The following ADAMTSL1 variants were observed in gnomAD, a reference collection of about 807,000 sequenced individuals.
The protein encoded by ADAMTSL1 is ADAMTS like 1.
In ADAMTSL1, 126 loss-of-function variants were observed where a neutral mutation model predicts 201.8. That is an observed-to-expected ratio of 0.62 (90% CI 0.54 to 0.72). The LOEUF (loss-of-function observed/expected upper bound fraction) is 0.72, where lower values mean the gene tolerates loss of function less well. Ranked by LOEUF, ADAMTSL1 falls within the 30% of genes least tolerant of loss-of-function variation. The pLI is 0.00. For missense variants in ADAMTSL1, 2,679 were observed against 2,277.8 expected (o/e 1.18, Z -3.59); for synonymous variants, 1,121 against 903.4 (o/e 1.24, Z -4.32).
intron 1 of ADAMTSL1, among the ~76,000 whole-genome samples, chr9:18,106,580 T>C (rs1194994101): frequency 6.6e-6 from 1 of 152,232 alleles, no homozygotes; most frequent in Admixed American, 6.5e-5. Context: ...TCTATCTGGC[T>C]TTAAACTAGA....
chr9:18,636,298 A>G (rs935630791), intron 6 of ADAMTSL1, among the ~76,000 whole-genome samples: 1 of 151,992 alleles, frequency 6.6e-6, no homozygotes, highest in Non-Finnish European at 1.5e-5. Flanking sequence ...CGAGTGTTAT[A>G]TCTCATTCTC....
intron 4 of ADAMTSL1, among the ~76,000 whole-genome samples, chr9:18,602,261 T>C (rs1331142372): frequency 1.3e-5 from 2 of 152,182 alleles, no homozygotes; most frequent in South Asian, 4.1e-4. Context: ...AGACAAGCCA[T>C]GGAAAACTTC....
chr9:18,032,435 C>T (rs1464008436), intron 1 of ADAMTSL1, among the ~76,000 whole-genome samples: 1 of 152,100 alleles, frequency 6.6e-6, no homozygotes, highest in Admixed American at 6.5e-5. Context: ...GCAAAACATC[C>T]GGGTGGGGCA....
chr9:18,746,625 G>C (rs1819161640), intron 15 of ADAMTSL1, among the ~76,000 whole-genome samples: 1 of 152,124 alleles, frequency 6.6e-6, no homozygotes, highest in Admixed American at 6.5e-5. Flanking sequence ...TAATAGCTCA[G>C]GGTGGGAAGG....
chr9:18,247,988 TG>T (rs1464968653), intron 2 of ADAMTSL1, among the ~76,000 whole-genome samples: 1 of 152,146 alleles, frequency 6.6e-6, no homozygotes, highest in Non-Finnish European at 1.5e-5. Flanking sequence ...TTCCACGGAC[TG>T]GGGAAGACAT....
intron 2 of ADAMTSL1, among the ~76,000 whole-genome samples, chr9:18,367,187 G>C (rs1298496517): frequency 6.6e-6 from 1 of 152,006 alleles, no homozygotes; most frequent in African/African-American, 2.4e-5. Context: ...AGTTGACAAA[G>C]GTTATAGCCA....
chr9:17,965,317 C>G (rs1817941672), intron 1 of ADAMTSL1, among the ~76,000 whole-genome samples: 1 of 151,936 alleles, frequency 6.6e-6, no homozygotes, highest in Admixed American at 6.6e-5. Flanking sequence ...TGATACAACC[C>G]AAATTTAGCA....
chr9:18,339,068 G>A (rs1835361615), intron 2 of ADAMTSL1, among the ~76,000 whole-genome samples: 2 of 152,084 alleles, frequency 1.3e-5, no homozygotes. Context: ...ATAGTGAATA[G>A]TGCTGCAGTG....
intron 2 of ADAMTSL1, among the ~76,000 whole-genome samples, chr9:18,187,612 G>C (rs1828795534): frequency 6.6e-6 from 1 of 151,876 alleles, no homozygotes. Flanking sequence ...TATTTATTTG[G>C]GTACACAAGA....
chr9:18,659,855 A>T (rs1235313727), intron 8 of ADAMTSL1, among the ~76,000 whole-genome samples: 1 of 152,166 alleles, frequency 6.6e-6, no homozygotes, highest in African/African-American at 2.4e-5. Context: ...CATTATTTTG[A>T]TATTTTTACT....
chr9:18,621,542 G>A (rs968379756), intron 4 of ADAMTSL1, among the ~76,000 whole-genome samples: 2 of 145,506 alleles, frequency 1.4e-5, no homozygotes, highest in Admixed American at 1.4e-4. Context: ...TGCCCTTCAT[G>A]CAACCGTCCT....
intron 28 of ADAMTSL1, chr9:18,907,214 G>C (rs1299212641): frequency 2.5e-6 from 1 of 407,152 alleles, no homozygotes; most frequent in Non-Finnish European, 4.5e-6. Flanking sequence ...CAGTCTGGCT[G>C]GTGCCCACAG....
At chr9:18,688,121 T>C (rs942719352) in intron 13 of ADAMTSL1, among the ~76,000 whole-genome samples, 1 of 108,696 alleles carries the variant, frequency 9.2e-6, no homozygotes, top group Non-Finnish European at 2.3e-5. Flanking sequence ...TATGTATGTA[T>C]ATATATATAT....
At chr9:18,247,332 C>G (rs1401571893) in intron 2 of ADAMTSL1, among the ~76,000 whole-genome samples, 2 of 152,016 alleles carry the variant, frequency 1.3e-5, no homozygotes, top group African/African-American at 4.8e-5. Context: ...ATCATAATAA[C>G]TTATATTTTG....
chr9:18,886,903 A>G (rs1023427784), intron 23 of ADAMTSL1, among the ~76,000 whole-genome samples: 2 of 152,204 alleles, frequency 1.3e-5, no homozygotes, highest in East Asian at 3.9e-4. Context: ...CTTTCTAAAA[A>G]TCTTATACCA....
chr9:18,062,251 G>A (rs913277794), intron 1 of ADAMTSL1, among the ~76,000 whole-genome samples: 4 of 152,104 alleles, frequency 2.6e-5, no homozygotes, highest in African/African-American at 4.8e-5. Context: ...GACTTGTATA[G>A]GAGTGCTAGA....
intron 20 of ADAMTSL1, among the ~76,000 whole-genome samples, chr9:18,801,378 C>G (rs1278712056): frequency 6.6e-6 from 1 of 151,966 alleles, no homozygotes; most frequent in Non-Finnish European, 1.5e-5. Flanking sequence ...AGTTCTTTAC[C>G]TTTTTTGAAC....
At chr9:18,655,958 C>G (rs1828631376) in intron 7 of ADAMTSL1, among the ~76,000 whole-genome samples, 1 of 151,422 alleles carries the variant, frequency 6.6e-6, no homozygotes, top group African/African-American at 2.4e-5. Context: ...TTGTGAAAGA[C>G]ACTGCATTGC....
intron 1 of ADAMTSL1, among the ~76,000 whole-genome samples, chr9:18,032,106 A>G (rs976351623): frequency 6.6e-6 from 1 of 152,086 alleles, no homozygotes; most frequent in Non-Finnish European, 1.5e-5. Context: ...GGGCTCTTCC[A>G]CGTGTTCAGG....
Sources: gnomAD v4.1 joint callset for allele counts (sites outside exome capture counted in the v4.1 genomes callset) on GRCh38, gnomAD v4.1.1 for gene constraint, MANE v1.5 for transcripts, NCBI Gene and HGNC (gene_info 2026-07-23, HGNC 2026-07-21) for gene names.